PDZRN4: variants seen among roughly 807,000 people sequenced by gnomAD.
The protein encoded by PDZRN4 is PDZ domain-containing RING finger protein 4.
PDZRN4 carries 70 observed loss-of-function variants against 99.0 expected under a neutral mutation model. The ratio of observed to expected loss-of-function variants is 0.71; its 90% CI spans 0.58 to 0.86. The LOEUF is 0.86. Ranked by LOEUF, PDZRN4 falls within the 40% of genes least tolerant of loss-of-function variation. The pLI is 0.00. For missense variants in PDZRN4, 1,474 were observed against 1,331.2 expected, an observed-to-expected ratio of 1.11 and a Z score of -1.67; for synonymous variants, 551 against 501.6, an observed-to-expected ratio of 1.10 and a Z score of -1.32.
intron 5 of PDZRN4, among the ~76,000 whole-genome samples, chr12:41,534,064 A>G (rs1205013420): frequency 6.6e-6 from 1 of 152,234 alleles, no homozygotes; most frequent in Non-Finnish European, 1.5e-5. Flanking sequence ...AAAAGGAGTC[A>G]GGAACACTTA....
chr12:41,442,494 A>G (rs1952687559), intron 3 of PDZRN4, among the ~76,000 whole-genome samples: 1 of 151,996 alleles, frequency 6.6e-6, no homozygotes, highest in South Asian at 2.1e-4. Context: ...TTGTCCTTTC[A>G]CCTTCACTCT....
intron 3 of PDZRN4, among the ~76,000 whole-genome samples, chr12:41,310,898 A>T (rs1253577462): frequency 6.6e-6 from 1 of 152,178 alleles, no homozygotes; most frequent in Non-Finnish European, 1.5e-5. Flanking sequence ...CATAGGATTA[A>T]GGGAAATACA....
chr12:41,470,782 T>C (rs1054733666), intron 3 of PDZRN4, among the ~76,000 whole-genome samples: 5 of 152,082 alleles, frequency 3.3e-5, no homozygotes, highest in Admixed American at 6.6e-5. Context: ...CTGCTTTTAC[T>C]CTGTTGGCAA....
chr12:41,300,607 A>C (rs1167668445), intron 3 of PDZRN4, among the ~76,000 whole-genome samples: 1 of 151,874 alleles, frequency 6.6e-6, no homozygotes, highest in Non-Finnish European at 1.5e-5. Context: ...ACCTCTAATA[A>C]AGATACTCAT....
chr12:41,368,797 C>T (rs1020190498), intron 3 of PDZRN4, among the ~76,000 whole-genome samples: 1 of 152,100 alleles, frequency 6.6e-6, no homozygotes, highest in Non-Finnish European at 1.5e-5. Flanking sequence ...CTCATCTCCT[C>T]CCAAGTGAAG....
chr12:41,511,881 A>G (rs1035789841), intron 5 of PDZRN4, among the ~76,000 whole-genome samples: 2 of 152,146 alleles, frequency 1.3e-5, no homozygotes, highest in African/African-American at 4.8e-5. Context: ...TATGTGTTGC[A>G]CTTTTACTGT....
intron 3 of PDZRN4, among the ~76,000 whole-genome samples, chr12:41,270,140 A>G (rs1951304243): frequency 6.6e-6 from 1 of 151,608 alleles, no homozygotes; most frequent in East Asian, 1.9e-4. Flanking sequence ...TCATTTCTAA[A>G]GCAGTGATAA....
At chr12:41,313,198 T>C (rs1951618130) in intron 3 of PDZRN4, among the ~76,000 whole-genome samples, 1 of 152,162 alleles carries the variant, frequency 6.6e-6, no homozygotes, top group Non-Finnish European at 1.5e-5. Flanking sequence ...CTAACCCTTG[T>C]AAATCTCTTT....
rs1260693680 is a variant in PDZRN4 at position 41,563,583 on chromosome 12, A to G, written c.1401A>G (p.Ala467=). The G allele has an allele frequency of 5.6e-6, 9 of 1,613,618 alleles. No homozygotes were observed. The highest frequency in any genetic ancestry group is 4.5e-5 in the East Asian group (2 of 44,862). ...NGEDVQNREE[A]VALLSNDECK... ...AAGATGTCCAGAATCGAGAAGAAGC[A>G]GTGGCCTTGCTGTCTAACGATGAGT... The change falls in exon 8 of 10, where the codon GCA becomes GCG. Residue 467 remains alanine, a synonymous_variant. Coordinates refer to ENST00000402685, the MANE Select transcript of PDZRN4 (RefSeq NM_001164595.2).
chr12:41,301,728 T>C (rs767304790), intron 3 of PDZRN4, among the ~76,000 whole-genome samples: 4 of 151,104 alleles, frequency 2.6e-5, no homozygotes, highest in Non-Finnish European at 4.4e-5. Flanking sequence ...AAAACAAGGT[T>C]AGTTAGTGGC....
At chr12:41,355,851 T>C (rs1367534559) in intron 3 of PDZRN4, among the ~76,000 whole-genome samples, 1 of 152,032 alleles carries the variant, frequency 6.6e-6, no homozygotes, top group Non-Finnish European at 1.5e-5. Flanking sequence ...AGTGGTTTTT[T>C]GGTGCTTGAC....
At chr12:41,256,130 A>G (rs1020958755) in intron 3 of PDZRN4, among the ~76,000 whole-genome samples, 1 of 152,244 alleles carries the variant, frequency 6.6e-6, no homozygotes, top group Admixed American at 6.5e-5. Context: ...CAAATGTGTA[A>G]GGATAATTTT....
Position 41,450,311 on chromosome 12 carries a change from G to T in PDZRN4, c.844-56145G>T, listed in dbSNP as rs143167674. The stretch of plus-strand genomic sequence containing the variant: ...CCCTCATATGCCCAATATCAGTTAA[G>T]CTTTTCAGGAAACTAATTCAGTGGC... On this transcript the variant is annotated intron_variant, in intron 3 of 9. Coordinates refer to ENST00000402685, the MANE Select transcript of PDZRN4 (RefSeq NM_001164595.2). Among the ~76,000 whole-genome samples, 270 of 152,230 alleles carry T rather than the reference G, an allele frequency of 1.8e-3. 2 individuals carry two copies. Among genetic ancestry groups the T allele is most frequent in the African/African-American group, 6.2e-3 (256 of 41,542 alleles).
At chr12:41,247,965 AGACGT>A (rs11277858) in intron 3 of PDZRN4, among the ~76,000 whole-genome samples, 77,143 of 151,340 alleles carry the variant, frequency 0.51, 20,179 homozygotes, top group Admixed American at 0.61. Flanking sequence ...GAAGGCTCAC[AGACGT>A]GAAAGTTATT....
intron 3 of PDZRN4, among the ~76,000 whole-genome samples, chr12:41,246,381 G>A (rs1951133954): frequency 6.6e-6 from 1 of 152,176 alleles, no homozygotes; most frequent in African/African-American, 2.4e-5. Flanking sequence ...GTCATTACAA[G>A]ATAGTTAAAT....
In PDZRN4 at chr12:41,509,811, C is replaced by G; in HGVS notation, c.1101C>G (p.Ser367Arg). ...PDICPFLLSD[S>R]CHSLHPMEHE... ...TATCATATTGCTACATTCCCCATAG[C>G]TGCCATTCTCTACATCCAATGGAGC... The change falls in exon 5 of 10, where the codon AGC (serine) becomes AGG (arginine). Residue 367 changes from serine (S) to arginine (R), a missense_variant and splice_region_variant. By Grantham distance (110) the Ser-to-Arg change is moderately radical. Coordinates refer to ENST00000402685, the MANE Select transcript of PDZRN4 (RefSeq NM_001164595.2). The G allele has an allele frequency of 6.7e-7, 1 of 1,485,058 alleles. No individual in the cohort carries two copies. Among genetic ancestry groups the G allele is most frequent in the Non-Finnish European group, 9.3e-7 (1 of 1,072,552 alleles). 92.0% of individuals were successfully genotyped at this position (1,485,058 alleles called of 1,614,324 possible).
intron 3 of PDZRN4, among the ~76,000 whole-genome samples, chr12:41,444,537 TA>T (rs1952707438): frequency 6.6e-6 from 1 of 152,104 alleles, no homozygotes; most frequent in South Asian, 2.1e-4. Context: ...CTGGAGAGCC[TA>T]ACCTGGTGAT....
chr12:41,338,301 T>G (rs926719862), intron 3 of PDZRN4, among the ~76,000 whole-genome samples: 1 of 152,168 alleles, frequency 6.6e-6, no homozygotes, highest in Non-Finnish European at 1.5e-5. Context: ...ATTTATCCAG[T>G]GCCAACTATT....
intron 3 of PDZRN4, among the ~76,000 whole-genome samples, chr12:41,425,948 T>C (rs1565579689): frequency 2.0e-5 from 3 of 152,160 alleles, no homozygotes; most frequent in Admixed American, 2.0e-4. Context: ...GTTCAACCTG[T>C]CTGGAGCTTA....
Sources: gnomAD v4.1 joint callset for allele counts (sites outside exome capture counted in the v4.1 genomes callset) on GRCh38, gnomAD v4.1.1 for gene constraint, MANE v1.5 for transcripts, NCBI Gene and HGNC (gene_info 2026-07-23, HGNC 2026-07-21) for gene names.